The following IRAG1 variants were observed in gnomAD, a reference collection of about 807,000 sequenced individuals.
IRAG1 encodes IP3R-associated cGMP kinase substrate.
Under a neutral mutation model 106.2 loss-of-function variants are expected in IRAG1, and 62 were observed. The observed-to-expected ratio is 0.58, with a 90% CI of 0.48 to 0.72. The LOEUF is 0.72. Among genes scored for constraint, IRAG1 ranks in the 30% least tolerant of loss-of-function variants. The pLI is 0.00. For synonymous variants in IRAG1, 462 were observed against 443.9 expected, an observed-to-expected ratio of 1.04 and a Z score of -0.51; for missense variants, 1,064 against 1,140.7, an observed-to-expected ratio of 0.93 and a Z score of 0.97.
chr11:10,595,755 T>C (rs1230364202), intron 15 of IRAG1: 2 of 152,172 alleles, frequency 1.3e-5, no homozygotes, highest in African/African-American at 4.8e-5. Context: ...TTACATAAAC[T>C]TGTCATGAAG....
intron 17 of IRAG1, 87 bp from the exon 18 acceptor site, chr11:10,591,699 C>T (rs555108965): frequency 4.9e-5 from 59 of 1,205,610 alleles, no homozygotes; most frequent in South Asian, 2.9e-4. Flanking sequence ...ATGCTGGGAG[C>T]GGGGCTGCTG....
At chr11:10,653,641 A>G (rs1858702445) in intron 1 of IRAG1, among the ~76,000 whole-genome samples, 1 of 152,190 alleles carries the variant, frequency 6.6e-6, no homozygotes, top group Admixed American at 6.5e-5. Context: ...CTTGGAAAGT[A>G]GGCTTCATCT....
At chr11:10,631,898 C>G in intron 4 of IRAG1, 93 bp downstream of exon 4, 1 of 1,057,928 alleles carries the variant, frequency 9.5e-7, no homozygotes, top group Non-Finnish European at 1.5e-6. Flanking sequence ...GAGGGAGCGC[C>G]TTAAAGAGCA....
chr11:10,690,629 T>C (rs1005903398), intron 1 of IRAG1, among the ~76,000 whole-genome samples: 2 of 152,158 alleles, frequency 1.3e-5, no homozygotes, highest in Non-Finnish European at 2.9e-5. Context: ...ATTTGGACTG[T>C]GACACTCAGT....
chr11:10,692,400 T>C (rs1372604360), intron 1 of IRAG1, among the ~76,000 whole-genome samples: 2 of 152,172 alleles, frequency 1.3e-5, no homozygotes, highest in Non-Finnish European at 2.9e-5. Context: ...CTCCGCTCCA[T>C]CTTGGTGGAA....
chr11:10,692,151 G>A (rs542305904), intron 1 of IRAG1, among the ~76,000 whole-genome samples: 222 of 152,040 alleles, frequency 1.5e-3, no homozygotes, highest in Non-Finnish European at 2.9e-3. Flanking sequence ...ATAAAGATAG[G>A]TGCATCCGCT....
chr11:10,645,459 G>A lies in IRAG1; in HGVS notation c.225+6566C>T, dbSNP rs150578473. On this transcript the variant is annotated intron_variant, in intron 2 of 20. Transcript: ENST00000423302. ...AGTCATCACTACCATGTACGACTGC[G>A]TTCTGAAGGTTAAATGCTAGAAAAC... Among the ~76,000 whole-genome samples the A allele has an allele frequency of 7.2e-4, 109 of 152,308 alleles. No individual in the cohort carries two copies. The Middle Eastern group carries it at 0.027, about 38-fold the overall frequency.
At chr11:10,670,625 T>A (rs12363520) in intron 1 of IRAG1, among the ~76,000 whole-genome samples, 24,047 of 152,254 alleles carry the variant, frequency 0.16, 2,544 homozygotes, top group Middle Eastern at 0.24. Context: ...CTAGTTCTTA[T>A]GTCAAAATCC....
At position 10,587,440 on chromosome 11, in the gene IRAG1, T is replaced by C. The variant is rs1425144789; in HGVS notation, c.2240+4108A>G. Among the ~76,000 whole-genome samples the C allele has an allele frequency of 2.0e-5, 3 of 152,078 alleles. No homozygotes were observed. The East Asian group carries it at 5.8e-4, about 29-fold the overall frequency. ...TCCGTGTTACTCAGTTCTAGATACC[T>C]GGGGTCCGCCACAAGTTTATTGGGG... On this transcript the variant is annotated intron_variant, in intron 18 of 20. Coordinates refer to ENST00000423302, the MANE Select transcript of IRAG1 (RefSeq NM_130385.4).
At chr11:10,586,956 T>A (rs761787741) in intron 18 of IRAG1, among the ~76,000 whole-genome samples, 14 of 152,246 alleles carry the variant, frequency 9.2e-5, no homozygotes, top group Non-Finnish European at 1.8e-4. Flanking sequence ...GTCCTCTCTG[T>A]AAATGGTTAT....
Position 10,659,724 on chromosome 11 carries a change from G to A in IRAG1, c.68-7542C>T, listed in dbSNP as rs1426409879. Reference sequence around the variant, plus strand: ...TCAGGAATTCTTTTTTTAAAAATAGGTCCACTTGAAAAAATTTTTTCTTCT... The same window carrying A: ...TCAGGAATTCTTTTTTTAAAAATAGATCCACTTGAAAAAATTTTTTCTTCT... On this transcript the variant is annotated intron_variant, in intron 1 of 20. Transcript: ENST00000423302. The surrounding 1 kb of genome is among the most constrained non-coding windows in gnomAD (Gnocchi z 4.1). 6.6e-6 allele frequency among the ~76,000 whole-genome samples: 1 copy of A among 151,838 alleles called. No homozygotes were observed. Among genetic ancestry groups the A allele is most frequent in the Non-Finnish European group, 1.5e-5 (1 of 67,960 alleles).
intron 1 of IRAG1, among the ~76,000 whole-genome samples, chr11:10,655,133 C>G (rs1019925899): frequency 6.6e-6 from 1 of 152,158 alleles, no homozygotes; most frequent in African/African-American, 2.4e-5. Flanking sequence ...TCATAGGAAA[C>G]CTTTTAAAAT....
intron 5 of IRAG1, 77 bp downstream of exon 5, chr11:10,629,461 C>G: frequency 6.6e-7 from 1 of 1,508,610 alleles, no homozygotes; most frequent in Non-Finnish European, 8.9e-7. Flanking sequence ...GAGGCGCCCA[C>G]TGCAGCTGGT....
chr11:10,595,006 C>T (rs1168223423), intron 15 of IRAG1, among the ~76,000 whole-genome samples: 2 of 152,146 alleles, frequency 1.3e-5, no homozygotes, highest in Admixed American at 6.5e-5. Context: ...TTCACTGCAA[C>T]CTCCGGCTCC....
Position 10,665,159 on chromosome 11 carries a change from T to G in IRAG1, c.68-12977A>C, listed in dbSNP as rs1859694163. The stretch of plus-strand genomic sequence containing the variant: ...CTAACCCTAACCCTAACCCTGAGAG[T>G]TTAAGCTGGGAACTCAGATCTAGAG... On this transcript the variant is annotated intron_variant, in intron 1 of 20. Transcript: ENST00000423302. The surrounding 1 kb of genome is among the most constrained non-coding windows in gnomAD (Gnocchi z 4.2). Among the ~76,000 whole-genome samples, 1 of 152,084 alleles carries G rather than the reference T, an allele frequency of 6.6e-6. No individual in the cohort carries two copies. Among genetic ancestry groups the G allele is most frequent in the Non-Finnish European group, 1.5e-5 (1 of 68,016 alleles).
chr11:10,627,416 G>A (rs1377271141), intron 8 of IRAG1, among the ~76,000 whole-genome samples: 1 of 152,158 alleles, frequency 6.6e-6, no homozygotes. Context: ...GCTGACAGGA[G>A]CCACAGTCTC....
chr11:10,633,075 C>CTTTTTT (rs34222717), intron 3 of IRAG1, among the ~76,000 whole-genome samples: 1 of 124,852 alleles, frequency 8.0e-6, no homozygotes, highest in Admixed American at 8.4e-5. Context: ...TTCTTTCTTT[C>CTTTTTT]TTTTTTTTTT....
intron 2 of IRAG1, among the ~76,000 whole-genome samples, chr11:10,650,758 A>G (rs949670646): frequency 6.6e-6 from 1 of 152,198 alleles, no homozygotes; most frequent in African/African-American, 2.4e-5. Context: ...GGGCTGCCTG[A>G]GGCTGAAGGG....
At chr11:10,603,063 G>A in intron 14 of IRAG1, 57 bp downstream of exon 14, 1 of 1,560,888 alleles carries the variant, frequency 6.4e-7, no homozygotes, top group Non-Finnish European at 8.7e-7. Context: ...TTGGGTGATT[G>A]CTCTACTTTA....
Sources: allele counts gnomAD v4.1 joint callset (sites outside exome capture counted in the v4.1 genomes callset), GRCh38; gene constraint gnomAD v4.1.1; non-coding constraint Gnocchi (gnomAD v3.1); transcripts MANE v1.5; gene names NCBI Gene and HGNC (gene_info 2026-07-23, HGNC 2026-07-21).